Variants in NEB observed in about 807,000 individuals in gnomAD.
NEB encodes the protein nemaline myopathy type 2.
Under a neutral mutation model 952.2 loss-of-function variants are expected in NEB, and 512 were observed. That is an observed-to-expected ratio of 0.54 (90% CI 0.50 to 0.58). The LOEUF is 0.58. Among genes scored for constraint, NEB ranks in the 20% least tolerant of loss-of-function variants. NEB has a pLI of 0.00. For missense variants in NEB, 8,428 were observed against 9,231.1 expected, an observed-to-expected ratio of 0.91 and a Z score of 3.56; for synonymous variants, 2,900 against 3,149.8, an observed-to-expected ratio of 0.92 and a Z score of 2.66.
Position 151,727,734 on chromosome 2 carries a change from G to A in NEB, c.251C>T (p.Pro84Leu). ...CATTTTCTGACTGTGTGCAATGTAG[G>A]GGGTCATGAACTTTGAAGGATCCAC... is the stretch of plus-strand genomic sequence containing the variant. ...KKVDPSKFMTPYIAHSQKMQD... is the reference protein window; with the variant it reads ...KKVDPSKFMTLYIAHSQKMQD... The change falls in exon 5 of 182, where the codon CCC (proline) becomes CTC (leucine). Residue 84 changes from proline to leucine, a missense_variant. Pro to Leu is a moderately conservative substitution (Grantham distance 98). Around this residue, in one of 11 missense-constraint regions of NEB, gnomAD observed 2,851 missense variants for 2,791.5 expected, o/e 1.02. Transcript: ENST00000397345. 2 of 1,613,664 alleles carry A rather than the reference G, an allele frequency of 1.2e-6. No individual in the cohort carries two copies. Among genetic ancestry groups the A allele is most frequent in the South Asian group, 2.2e-5 (2 of 91,076 alleles).
chr2:151,696,029 G>C (rs1007902739), intron 17 of NEB, among the ~76,000 whole-genome samples: 1 of 152,200 alleles, frequency 6.6e-6, no homozygotes, highest in African/African-American at 2.4e-5. Flanking sequence ...ATCTGATTAA[G>C]AGTCCTCTCA....
In NEB at chr2:151,675,236, T is replaced by C. The variant is rs973087695; in HGVS notation, c.3879+51A>G. 8 of 1,287,710 alleles carry C rather than the reference T, an allele frequency of 6.2e-6. No homozygotes were observed. In the Admixed American group the frequency reaches 1.2e-4, roughly 19 times the overall value. 79.8% of individuals were successfully genotyped at this position (1,287,710 alleles called of 1,614,324 possible). Reference sequence around the variant, plus strand: ...GGCACCATCCTACTCTTAAAGTCTATAATTTTATTGTCAGGTCCGAATTTC... The same window carrying C: ...GGCACCATCCTACTCTTAAAGTCTACAATTTTATTGTCAGGTCCGAATTTC... On this transcript the variant is annotated intron_variant, in intron 35 of 181. Transcript: ENST00000397345.
At chr2:151,628,071 G>A (rs562522818) in intron 68 of NEB, among the ~76,000 whole-genome samples, 2 of 152,250 alleles carry the variant, frequency 1.3e-5, no homozygotes, top group South Asian at 4.1e-4. Context: ...AATGGGAATA[G>A]TCCAGTGGGA....
intron 64 of NEB, 149 bp from the exon 65 acceptor site, chr2:151,634,114 CCCTTA>C: frequency 9.5e-6 from 9 of 942,692 alleles, no homozygotes; most frequent in Non-Finnish European, 1.4e-5. Flanking sequence ...ATCCTGGAAG[CCCTTA>C]CAGAGGTAGA....
At chr2:151,497,402 G>T in intron 171 of NEB, 2 of 975,658 alleles carry the variant, frequency 2.0e-6, no homozygotes, top group Non-Finnish European at 2.4e-6. Flanking sequence ...TTAAAAAAAA[G>T]ATTGAAAATA....
Position 151,706,946 on chromosome 2 carries a change from C to T in NEB, c.1087G>A (p.Val363Met), listed in dbSNP as rs1307150091. ...EKNKGKADYNVLPASENPQLR... is the reference protein window; with the variant it reads ...EKNKGKADYNMLPASENPQLR... The stretch of plus-strand genomic sequence containing the variant: ...TGTGGGTTCTCTGAAGCAGGAAGCA[C>T]ATTATAATCTGCTTTTCCTTTATTC... Residue 363 changes from valine to methionine, a missense_variant, in exon 13 of 182, where the codon GTG becomes ATG. Transcript: ENST00000397345. 3.1e-6 allele frequency: 5 copies of T among 1,604,334 alleles called. No homozygotes were observed. In the African/African-American group the frequency reaches 4.0e-5, roughly 13 times the overall value.
At chr2:151,640,287 GC>G in intron 61 of NEB, 67 bp downstream of exon 61, 1 of 1,576,308 alleles carries the variant, frequency 6.3e-7, no homozygotes, top group South Asian at 1.2e-5. Context: ...GCCATATATT[GC>G]CATTTTCTCC....
intron 121 of NEB, among the ~76,000 whole-genome samples, chr2:151,561,677 C>T (rs1045201664): frequency 2.0e-5 from 3 of 151,282 alleles, no homozygotes; most frequent in African/African-American, 4.9e-5. Flanking sequence ...TGTATACATG[C>T]CCCTCACTTT....
At chr2:151,567,927 T>TAC (rs2153743034) in intron 113 of NEB, 144 bp downstream of exon 113, 1 of 610,886 alleles carries the variant, frequency 1.6e-6, no homozygotes, top group East Asian at 2.8e-5. Context: ...AGTGAGCAGG[T>TAC]ACTCCAACCA....
chr2:151,655,386 G>A lies in NEB; in HGVS notation c.6703-12C>T. ...ATGGTGTATAAATGCTAGGAAGTGG[G>A]AAAAAAAGACATGAAATTTGAATAA... On this transcript the variant is annotated splice_polypyrimidine_tract_variant and intron_variant, in intron 50 of 181. Coordinates refer to ENST00000397345, the MANE Select transcript of NEB (RefSeq NM_001164508.2). 1.4e-6 allele frequency: 2 copies of A among 1,449,022 alleles called. No individual in the cohort carries two copies. Among genetic ancestry groups the A allele is most frequent in the Admixed American group, 2.0e-5 (1 of 51,004 alleles). The allele number at this position is 1,449,022 out of a possible 1,614,324, so 89.8% of individuals were successfully genotyped here.
At position 151,562,091 on chromosome 2, in the gene NEB, T is replaced by C. The variant is rs2153708574; in HGVS notation, c.18996+19A>G. 6.3e-7 allele frequency: 1 copy of C among 1,595,566 alleles called. No individual in the cohort carries two copies. The highest frequency in any genetic ancestry group is 8.6e-7 in the Non-Finnish European group (1 of 1,163,444). The stretch of plus-strand genomic sequence containing the variant: ...CTGATGACCCATGGAGAACCAGTCC[T>C]TCTAGGAAGGTGGCTCACCTGACTC... On this transcript the variant is annotated intron_variant, in intron 121 of 181. Coordinates refer to ENST00000397345, the MANE Select transcript of NEB (RefSeq NM_001164508.2).
chr2:151,519,888 A>G (rs749804170), intron 153 of NEB, 120 bp from the exon 154 acceptor site: 15 of 650,812 alleles, frequency 2.3e-5, no homozygotes, highest in South Asian at 3.9e-5. Context: ...CATATAATCT[A>G]TTATCCAAAC....
chr2:151,576,599 T>A (rs1315724576), intron 105 of NEB, among the ~76,000 whole-genome samples: 2 of 135,078 alleles, frequency 1.5e-5, no homozygotes, highest in Non-Finnish European at 1.5e-5. Flanking sequence ...TGGCACAATC[T>A]CAGCTCACTA....
At chr2:151,732,305 G>A (rs1255377213) in intron 3 of NEB, among the ~76,000 whole-genome samples, 2 of 152,058 alleles carry the variant, frequency 1.3e-5, no homozygotes, top group South Asian at 2.1e-4. Context: ...TCTAGAATGT[G>A]AAGCTAAAGG....
At position 151,567,325 on chromosome 2, in the gene NEB, A is replaced by C. The variant is rs1417666233; in HGVS notation, c.17999T>G (p.Ile6000Ser). The C allele has an allele frequency of 6.2e-7, 1 of 1,613,782 alleles. No homozygotes were observed. Among genetic ancestry groups the C allele is most frequent in the African/African-American group, 1.3e-5 (1 of 74,894 alleles). ...KEDYHKTKAK[I>S]NIPADMVSVL... ...TGACACCATATCAGCAGGTATATTG[A>C]TTTTGGCCTTTGTTTTGTGATAGTC... Residue 6000 changes from isoleucine (I) to serine (S), a missense_variant, in exon 114 of 182, where the codon ATC becomes AGC. By Grantham distance (142) the Ile-to-Ser change is moderately radical. Transcript: ENST00000397345.
Position 151,581,482 on chromosome 2 carries a change from C to A in NEB, c.16284+1G>T, listed in dbSNP as rs1299439106. The A allele has an allele frequency of 1.2e-6, 1 of 840,382 alleles. No individual in the cohort carries two copies. Among genetic ancestry groups the A allele is most frequent in the Non-Finnish European group, 1.8e-6 (1 of 550,778 alleles). The allele number at this position is 840,382 out of a possible 1,614,324, so 52.1% of individuals were successfully genotyped here. ...AAAGCAAATGATGTGTGCTGTCTTA[C>A]ATTGCTGATCTGCAGGGCATTGATT... On this transcript the variant is annotated splice_donor_variant, in intron 103 of 181. Transcript: ENST00000397345. LOFTEE classifies it high-confidence loss of function.
In NEB at chr2:151,555,029, C is replaced by G; in HGVS notation, c.19330G>C (p.Glu6444Gln). 1.2e-6 allele frequency: 2 copies of G among 1,607,698 alleles called. No individual in the cohort carries two copies. Among genetic ancestry groups the G allele is most frequent in the Non-Finnish European group, 1.7e-6 (2 of 1,174,244 alleles). Residue 6444 changes from glutamate (E) to glutamine (Q), a missense_variant, in exon 125 of 182, where the codon GAA (glutamate) becomes CAA (glutamine). Physicochemically the swap from Glu to Gln is conservative, Grantham distance 29 (BLOSUM62 2). Coordinates refer to ENST00000397345, the MANE Select transcript of NEB (RefSeq NM_001164508.2). Reference protein sequence around the residue: ...HLASHIKYREEYEKFKALYTL... With the variant: ...HLASHIKYREQYEKFKALYTL... ...TAAAGAGCTTTGAACTTTTCATATT[C>G]TTCCCGATATTTGATCTATAGAGAA...
chr2:151,666,173 T>C lies in NEB; in HGVS notation c.4948A>G (p.Arg1650Gly). 6.2e-7 allele frequency: 1 copy of C among 1,613,988 alleles called. No homozygotes were observed. The highest frequency in any genetic ancestry group is 8.5e-7 in the Non-Finnish European group (1 of 1,179,860). The change falls in exon 41 of 182, where the codon AGA (arginine) becomes GGA (glycine). Residue 1650 changes from arginine to glycine, a missense_variant. Transcript: ENST00000397345. ...AGAGTGTAGTGGTGGTATGACTGTC[T>C]GTAGTTGGCGTTGGTGGCAACCTCC... ...SQEVATNANY[R>G]QSYHHYTLLP...
chr2:151,703,196 C>T (rs2099683850), intron 13 of NEB, among the ~76,000 whole-genome samples: 1 of 136,186 alleles, frequency 7.3e-6, no homozygotes, highest in African/African-American at 2.8e-5. Context: ...CCCCCACTGT[C>T]TTCTGGCTTG....
Sources: allele counts gnomAD v4.1 joint callset (sites outside exome capture counted in the v4.1 genomes callset), GRCh38; gene constraint gnomAD v4.1.1; regional missense constraint gnomAD v4.1.1; transcripts MANE v1.5; gene names NCBI Gene and HGNC (gene_info 2026-07-23, HGNC 2026-07-21).